The following FRMPD2 variants were observed in gnomAD, a reference collection of about 807,000 sequenced individuals.
FRMPD2 encodes FERM and PDZ domain containing 2.
A neutral mutation model predicts 140.1 loss-of-function variants in FRMPD2; 96 were observed. The observed-to-expected ratio is 0.69, with a 90% CI of 0.58 to 0.81. The LOEUF (loss-of-function observed/expected upper bound fraction) is 0.81, where lower values mean the gene tolerates loss of function less well. FRMPD2 is among the 40% of genes least tolerant of loss of function. The pLI is 0.00. For synonymous variants in FRMPD2, 449 were observed against 547.6 expected, an observed-to-expected ratio of 0.82 and a Z score of 2.52; for missense variants, 1,240 against 1,447.4, an observed-to-expected ratio of 0.86 and a Z score of 2.32.
In FRMPD2 at chr10:48,160,034, G is replaced by T. The variant is rs1310968030; in HGVS notation, c.3882-2664C>A. ...AAGTGATTTGCTCCCACACCAAGGG[G>T]CAAATAACATCACTCCTTCCAAAGT... On this transcript the variant is annotated intron_variant, in intron 28 of 28. Coordinates refer to ENST00000374201, the MANE Select transcript of FRMPD2 (RefSeq NM_001018071.4). Among the ~76,000 whole-genome samples, 10 of 151,336 alleles carry T rather than the reference G, an allele frequency of 6.6e-5. 1 individual carries two copies. Among genetic ancestry groups the T allele is most frequent in the Non-Finnish European group, 1.0e-4 (7 of 67,820 alleles).
At chr10:48,192,070 G>A (rs766123640) in intron 16 of FRMPD2, among the ~76,000 whole-genome samples, 3 of 152,114 alleles carry the variant, frequency 2.0e-5, no homozygotes, top group Non-Finnish European at 4.4e-5. Context: ...GGCCAAATAG[G>A]CTTATTGCAA....
chr10:48,242,814 T>A (rs1840155142), intron 4 of FRMPD2, among the ~76,000 whole-genome samples: 2 of 152,224 alleles, frequency 1.3e-5, no homozygotes, highest in Admixed American at 1.3e-4. Context: ...CCTATTCCTG[T>A]TCACTTCGGA....
intron 1 of FRMPD2, among the ~76,000 whole-genome samples, chr10:48,253,581 G>T (rs1840433024): frequency 6.6e-6 from 1 of 152,092 alleles, no homozygotes. Flanking sequence ...TGTCAAACAA[G>T]AATTTGGTAG....
chr10:48,241,563 C>T (rs1395511965), intron 5 of FRMPD2, among the ~76,000 whole-genome samples: 2 of 152,234 alleles, frequency 1.3e-5, no homozygotes, highest in Non-Finnish European at 2.9e-5. Context: ...CTCCCAGGAA[C>T]ATTTCCCCAG....
At chr10:48,174,746 A>C (rs1838360881) in intron 24 of FRMPD2, 124 bp downstream of exon 24, 13 of 851,306 alleles carry the variant, frequency 1.5e-5, no homozygotes, top group South Asian at 1.4e-4. Context: ...AGAAAAAAAA[A>C]ACTAACAAAG....
chr10:48,204,160 A>G (rs1328686621), intron 14 of FRMPD2, among the ~76,000 whole-genome samples: 2 of 152,204 alleles, frequency 1.3e-5, no homozygotes, highest in African/African-American at 4.8e-5. Flanking sequence ...CCAGTAGCTG[A>G]TCTACAGGAA....
At chr10:48,250,654 C>T (rs574919829) in intron 2 of FRMPD2, among the ~76,000 whole-genome samples, 5 of 152,160 alleles carry the variant, frequency 3.3e-5, no homozygotes, top group East Asian at 3.9e-4. Context: ...GTGATCCACC[C>T]GCCTCGGTCT....
intron 1 of FRMPD2, among the ~76,000 whole-genome samples, chr10:48,269,015 A>G (rs530477000): frequency 6.6e-6 from 1 of 152,352 alleles, no homozygotes; most frequent in Non-Finnish European, 1.5e-5. Context: ...GAAAATATAT[A>G]TAATGGCAAA....
At chr10:48,167,971 C>T (rs1838143366) in intron 27 of FRMPD2, among the ~76,000 whole-genome samples, 1 of 148,334 alleles carries the variant, frequency 6.7e-6, no homozygotes, top group Non-Finnish European at 1.5e-5. Context: ...GCTGGCCTCC[C>T]CTGTAGAATT....
At chr10:48,218,886 C>T (rs1016815381) in intron 12 of FRMPD2, among the ~76,000 whole-genome samples, 1 of 152,142 alleles carries the variant, frequency 6.6e-6, no homozygotes, top group African/African-American at 2.4e-5. Flanking sequence ...GAACCAGAAC[C>T]CTTCAATTTT....
chr10:48,187,963 G>A (rs182250039), intron 16 of FRMPD2, among the ~76,000 whole-genome samples: 2 of 152,346 alleles, frequency 1.3e-5, no homozygotes, highest in African/African-American at 4.8e-5. Context: ...TGAGTCAAGG[G>A]AGATGTTGCC....
intron 15 of FRMPD2, among the ~76,000 whole-genome samples, chr10:48,196,969 G>C (rs1277040657): frequency 3.3e-5 from 5 of 152,100 alleles, no homozygotes; most frequent in Admixed American, 2.6e-4. Context: ...AATATCAATG[G>C]TGTTTCACAC....
At chr10:48,162,824 C>G (rs1401191421) in intron 28 of FRMPD2, among the ~76,000 whole-genome samples, 5 of 135,460 alleles carry the variant, frequency 3.7e-5, no homozygotes, top group African/African-American at 5.8e-5. Context: ...ATGGCTGGTG[C>G]CTGTAGACCC....
In FRMPD2 at chr10:48,206,917, G is replaced by A. The variant is rs1484872767; in HGVS notation, c.1628C>T (p.Pro543Leu). The A allele has an allele frequency of 6.2e-7, 1 of 1,613,740 alleles. No homozygotes were observed. The highest frequency in any genetic ancestry group is 8.5e-7 in the Non-Finnish European group (1 of 1,179,792). Residue 543 changes from proline to leucine, a missense_variant, in exon 14 of 29, where the codon CCA becomes CTA. Pro to Leu is a moderately conservative substitution (Grantham distance 98). Transcript: ENST00000374201. ...TTGGTGAACCAGCACACCGTATTCTGGGAGCTGCTGAGTGACCTGGAGCAG... is the reference window on the plus strand; with the variant it reads ...TTGGTGAACCAGCACACCGTATTCTAGGAGCTGCTGAGTGACCTGGAGCAG... ...LKFLRVTQQL[P>L]EYGVLVHQVF...
rs992155982 is a variant in FRMPD2 at position 48,254,256 on chromosome 10, C to T, written c.26-2565G>A. ...CAGGAAGCCTGGGAACCATCCAGAG[C>T]TCTGAATTTCCCTGGCTGGCCTCAG... On this transcript the variant is annotated intron_variant, in intron 1 of 28. Transcript: ENST00000374201. 2.0e-5 allele frequency among the ~76,000 whole-genome samples: 3 copies of T among 152,206 alleles called. 1 individual carries two copies. The highest frequency in any genetic ancestry group is 2.9e-5 in the Non-Finnish European group (2 of 68,034).
At chr10:48,194,151 G>T (rs1405605973) in intron 15 of FRMPD2, among the ~76,000 whole-genome samples, 2 of 152,216 alleles carry the variant, frequency 1.3e-5, no homozygotes, top group African/African-American at 4.8e-5. Flanking sequence ...TGTGCCAGGC[G>T]TGGTGGGAAG....
intron 1 of FRMPD2, among the ~76,000 whole-genome samples, chr10:48,255,443 A>G (rs1840469895): frequency 6.6e-6 from 1 of 152,110 alleles, no homozygotes; most frequent in Non-Finnish European, 1.5e-5. Flanking sequence ...AGCAGCCCTG[A>G]GCTTCATCTG....
chr10:48,235,560 A>G (rs560852167), intron 9 of FRMPD2, among the ~76,000 whole-genome samples: 7 of 152,322 alleles, frequency 4.6e-5, no homozygotes, highest in African/African-American at 1.7e-4. Context: ...CAGGAAGGAC[A>G]AGTGGAGGGC....
At position 48,251,657 on chromosome 10, in the gene FRMPD2, G is replaced by A. The variant is rs758752718; in HGVS notation, c.60C>T (p.Ala20=). The A allele has an allele frequency of 8.7e-6, 14 of 1,614,216 alleles. No individual in the cohort carries two copies. Among genetic ancestry groups the A allele is most frequent in the Middle Eastern group, 3.3e-4 (2 of 6,062 alleles). The part of the protein sequence containing the change: ...MSLSSVTLAS[A]LQVRGEALSE... ...ACAGAGCTTCACCCCTGACCTGTAG[G>A]GCGCTGGCCAGCGTCACAGAGGACA... Residue 20 remains alanine, a synonymous_variant, in exon 2 of 29, where the codon GCC becomes GCT. Coordinates refer to ENST00000374201, the MANE Select transcript of FRMPD2 (RefSeq NM_001018071.4).
Sources: allele counts gnomAD v4.1 joint callset (sites outside exome capture counted in the v4.1 genomes callset), GRCh38; gene constraint gnomAD v4.1.1; transcripts MANE v1.5; gene names NCBI Gene and HGNC (gene_info 2026-07-23, HGNC 2026-07-21).